ALAS1: variants seen among roughly 807,000 people sequenced by gnomAD.
ALAS1 encodes the protein 5-aminolevulinate synthase, non-specific, mitochondrial.
A neutral mutation model predicts 59.6 loss-of-function variants in ALAS1; 29 were observed. That is an observed-to-expected ratio of 0.49 (90% CI 0.36 to 0.66). The LOEUF (loss-of-function observed/expected upper bound fraction) is 0.66. Among genes scored for constraint, ALAS1 ranks in the 30% least tolerant of loss-of-function variants. ALAS1 has a pLI of 0.00. For synonymous variants in ALAS1, 299 were observed against 296.6 expected, an observed-to-expected ratio of 1.01 and a Z score of -0.08; for missense variants, 690 against 807.5, an observed-to-expected ratio of 0.85 and a Z score of 1.76.
At chr3:52,205,655 T>C (rs1162275413) in intron 6 of ALAS1, among the ~76,000 whole-genome samples, 184 bp from the exon 7 acceptor site, 1 of 152,184 alleles carries the variant, frequency 6.6e-6, no homozygotes, top group African/African-American at 2.4e-5. Flanking sequence ...CACCCTAGCA[T>C]TGACACCTTC....
chr3:52,210,269 G>A (rs1209031197), intron 9 of ALAS1, among the ~76,000 whole-genome samples: 1 of 152,164 alleles, frequency 6.6e-6, no homozygotes, highest in Non-Finnish European at 1.5e-5. Context: ...AGCTGTGCTG[G>A]CTGTCAGAGC....
chr3:52,206,603 T>C lies in ALAS1; in HGVS notation c.1017T>C (p.His339=), dbSNP rs1699295543. The C allele has an allele frequency of 6.2e-7, 1 of 1,614,120 alleles. No homozygotes were observed. Among genetic ancestry groups the C allele is most frequent in the Non-Finnish European group, 8.5e-7 (1 of 1,180,048 alleles). The change falls in exon 8 of 12, where the codon CAT becomes CAC. Residue 339 remains histidine (H), a synonymous_variant. Transcript: ENST00000484952. The stretch of plus-strand genomic sequence containing the variant: ...AGATTTACTCTGATTCTGGGAACCA[T>C]GCCTCCATGATCCAAGGGATTCGAA... ...GCEIYSDSGN[H]ASMIQGIRNS...
chr3:52,205,325 C>T (rs896342359), intron 6 of ALAS1, among the ~76,000 whole-genome samples: 7 of 152,150 alleles, frequency 4.6e-5, no homozygotes, highest in Non-Finnish European at 8.8e-5. Context: ...TCCCATCACT[C>T]GTCCTTCAGG....
At position 52,199,333 on chromosome 3, in the gene ALAS1, A is replaced by T; in HGVS notation, c.92A>T (p.Gln31Leu). The part of the protein sequence containing the change: ...KAGKSLLFYA[Q>L]NCPKMMEVGA... ...GGCAAATCTCTGTTGTTCTATGCCC[A>T]AAACTGCCCCAAGATGATGGAAGTT... The change falls in exon 3 of 12, where the codon CAA becomes CTA. Residue 31 changes from glutamine (Q) to leucine (L), a missense_variant. Coordinates refer to ENST00000484952, the MANE Select transcript of ALAS1 (RefSeq NM_000688.6). 1 of 1,614,232 alleles carries T rather than the reference A, an allele frequency of 6.2e-7. No homozygotes were observed. The highest frequency in any genetic ancestry group is 8.5e-7 in the Non-Finnish European group (1 of 1,180,040).
At chr3:52,213,638 CT>C (rs1699457222) in intron 11 of ALAS1, among the ~76,000 whole-genome samples, 1 of 152,180 alleles carries the variant, frequency 6.6e-6, no homozygotes, top group South Asian at 2.1e-4. Flanking sequence ...AGTCACTCCT[CT>C]TTTCCCCATC....
chr3:52,198,695 G>A lies in ALAS1; in HGVS notation c.-186G>A, dbSNP rs1577958531. The A allele has an allele frequency of 2.7e-5, 28 of 1,040,428 alleles. No homozygotes were observed. The East Asian group carries it at 7.2e-4, about 27-fold the overall frequency. 64.4% of individuals were successfully genotyped at this position (1,040,428 alleles called of 1,614,324 possible). A position where few individuals can be genotyped will look rare whatever the true frequency, so the allele number is the denominator to read the frequency against. On this transcript the variant is annotated 5_prime_UTR_variant, in exon 2 of 12. Transcript: ENST00000484952. Reference sequence around the variant, plus strand: ...AGTTATGCCCAGTTCTTCCCGCTGTGGGGACACGACCACGGAGGAATCCTT... The same window carrying A: ...AGTTATGCCCAGTTCTTCCCGCTGTAGGGACACGACCACGGAGGAATCCTT...
chr3:52,212,398 C>G lies in ALAS1; in HGVS notation c.1740C>G (p.Pro580=). ...TTGCCCCCACCCCTCACCACACACC[C>G]CAGATGATGAACTACTTCCTTGGTG... The part of the protein sequence containing the change: ...LRIAPTPHHT[P]QMMNYFLENL... Residue 580 remains proline (P), a synonymous_variant, in exon 11 of 12, where the codon CCC becomes CCG. Transcript: ENST00000484952. The G allele has an allele frequency of 6.2e-7, 1 of 1,614,034 alleles. No individual in the cohort carries two copies. Among genetic ancestry groups the G allele is most frequent in the African/African-American group, 1.3e-5 (1 of 75,050 alleles).
Position 52,205,972 on chromosome 3 carries a change from T to G in ALAS1, c.934T>G (p.Cys312Gly). ...AGATGCCGCACTCTTGTTTTCCTCG[T>G]GCTTTGTGGCCAATGACTCAACCCT... Reference protein sequence around the residue: ...GKDAALLFSSCFVANDSTLFT... With the variant: ...GKDAALLFSSGFVANDSTLFT... The change falls in exon 7 of 12, where the codon TGC (cysteine) becomes GGC (glycine). Residue 312 changes from cysteine to glycine, a missense_variant. Physicochemically the swap from Cys to Gly is radical, Grantham distance 159. Coordinates refer to ENST00000484952, the MANE Select transcript of ALAS1 (RefSeq NM_000688.6). 6.2e-7 allele frequency: 1 copy of G among 1,614,164 alleles called. No individual in the cohort carries two copies. The highest frequency in any genetic ancestry group is 2.2e-5 in the East Asian group (1 of 44,884).
chr3:52,200,185 A>G (rs898337421), intron 3 of ALAS1, among the ~76,000 whole-genome samples: 4 of 152,190 alleles, frequency 2.6e-5, no homozygotes, highest in Non-Finnish European at 5.9e-5. Context: ...AAAATGCCCA[A>G]GAAAAATTAC....
At chr3:52,207,868 T>C (rs1448967767) in intron 8 of ALAS1, among the ~76,000 whole-genome samples, 3 of 152,342 alleles carry the variant, frequency 2.0e-5, no homozygotes, top group Middle Eastern at 3.4e-3. Context: ...TTGGTGGACT[T>C]TTTTCTAATA....
chr3:52,214,093 C>A lies in ALAS1; in HGVS notation c.1836C>A (p.Cys612Ter). 6.2e-7 allele frequency: 1 copy of A among 1,613,936 alleles called. No homozygotes were observed. Among genetic ancestry groups the A allele is most frequent in the Non-Finnish European group, 8.5e-7 (1 of 1,179,810 alleles). ...KPHSSAECNF[C>*]RRPLHFEVMS... is the part of the protein sequence containing the mutation. The stretch of plus-strand genomic sequence containing the variant: ...ATTCCTCAGCTGAGTGCAACTTCTG[C>A]AGGAGGCCACTGCATTTTGAAGTGA... The change falls in exon 12 of 12, where the codon TGC (cysteine) becomes TGA (stop). Residue 612 changes from cysteine (C) to a stop codon, truncating the protein, a stop_gained. Transcript: ENST00000484952. LOFTEE classifies it high-confidence loss of function.
chr3:52,208,966 A>AT (rs1246469014), intron 9 of ALAS1, among the ~76,000 whole-genome samples: 1 of 152,198 alleles, frequency 6.6e-6, no homozygotes, highest in Admixed American at 6.5e-5. Context: ...ATTTTGAAGA[A>AT]TTTTTTTAAG....
chr3:52,199,046 A>C (rs1336261972), intron 2 of ALAS1, among the ~76,000 whole-genome samples, 164 bp from the exon 3 acceptor site: 1 of 152,194 alleles, frequency 6.6e-6, no homozygotes. Context: ...AAGTGTGGTC[A>C]CCATTCCTTA....
rs977658647 is a variant in ALAS1 at position 52,202,404 on chromosome 3, GTATT to G, written c.200-102_200-99del. On this transcript the variant is annotated intron_variant, in intron 3 of 11. Coordinates refer to ENST00000484952, the MANE Select transcript of ALAS1 (RefSeq NM_000688.6). Reference sequence around the variant, plus strand: ...GTGTCTGGATGGTGGGGTACAGTAAGTATTAAGTTTATCTTTGAGGCAATAAAAG... The same window carrying G: ...GTGTCTGGATGGTGGGGTACAGTAAGAAGTTTATCTTTGAGGCAATAAAAG... 6.5e-6 allele frequency: 6 copies of G among 916,790 alleles called. No homozygotes were observed. In the African/African-American group the frequency reaches 9.9e-5, roughly 15 times the overall value. 56.8% of individuals were successfully genotyped at this position (916,790 alleles called of 1,614,324 possible).
In ALAS1 at chr3:52,208,136, A is replaced by G. The variant is rs148715618; in HGVS notation, c.1219A>G (p.Ile407Val). 4.0e-4 allele frequency: 640 copies of G among 1,610,792 alleles called. 1 individual carries two copies. The African/African-American group carries it at 5.0e-3, about 13-fold the overall frequency. Residue 407 changes from isoleucine (I) to valine (V), a missense_variant, in exon 9 of 12, where the codon ATC becomes GTC. Physicochemically the swap from Ile to Val is conservative, Grantham distance 29. Transcript: ENST00000484952. ...LCDVAHEFGA[I>V]TFVDEVHAVG... is the part of the protein sequence containing the mutation. ...TGATGTGGCCCATGAGTTTGGAGCA[A>G]TCACCTTCGTGGATGAGGTCCACGC...
At chr3:52,201,333 AT>A (rs1699182339) in intron 3 of ALAS1, among the ~76,000 whole-genome samples, 1 of 152,270 alleles carries the variant, frequency 6.6e-6, no homozygotes, top group African/African-American at 2.4e-5. Context: ...ATATACCCCT[AT>A]TTTTTCTTAC....
chr3:52,204,542 G>C, intron 5 of ALAS1, 151 bp from the exon 6 acceptor site: 1 of 667,772 alleles, frequency 1.5e-6, no homozygotes, highest in Non-Finnish European at 2.6e-6. Context: ...AGCCAAACAC[G>C]ACATACAGTC....
At position 52,211,434 on chromosome 3, in the gene ALAS1, C is replaced by T. The variant is rs751683606; in HGVS notation, c.1482C>T (p.Ser494=). 10 of 1,614,102 alleles carry T rather than the reference C, an allele frequency of 6.2e-6. No homozygotes were observed. Among genetic ancestry groups the T allele is most frequent in the African/African-American group, 2.7e-5 (2 of 74,926 alleles). Residue 494 remains serine, a synonymous_variant, in exon 10 of 12, where the codon AGC becomes AGT. Coordinates refer to ENST00000484952, the MANE Select transcript of ALAS1 (RefSeq NM_000688.6). ...TGGAGTCTGTGCGGATCCTGAAGAG[C>T]GCTGAGGGACGGGTGCTTCGCCGCC... ...GALESVRILK[S]AEGRVLRRQH...
intron 11 of ALAS1, 136 bp downstream of exon 11, chr3:52,212,556 A>C: frequency 8.5e-7 from 1 of 1,176,506 alleles, no homozygotes; most frequent in Non-Finnish European, 1.2e-6. Flanking sequence ...TTGAGACAAG[A>C]GTTTCGCTCT....
Sources: gnomAD v4.1 joint callset for allele counts (sites outside exome capture counted in the v4.1 genomes callset) on GRCh38, gnomAD v4.1.1 for gene constraint, MANE v1.5 for transcripts, NCBI Gene and HGNC (gene_info 2026-07-23, HGNC 2026-07-21) for gene names.